Variants in HGS observed in about 807,000 individuals in gnomAD.
The protein encoded by HGS is human growth factor-regulated tyrosine kinase substrate.
A neutral mutation model predicts 109.7 loss-of-function variants in HGS; 63 were observed. That is an observed-to-expected ratio of 0.57 (90% CI 0.47 to 0.71). HGS has a LOEUF of 0.71. Among genes scored for constraint, HGS ranks in the 30% least tolerant of loss-of-function variants. The pLI, the probability that HGS is intolerant of heterozygous loss-of-function variation, is 0.00. For synonymous variants in HGS, 546 were observed against 437.3 expected (o/e 1.25, Z -3.10); for missense variants, 995 against 1,068.3 (o/e 0.93, Z 0.96).
Position 81,686,349 on chromosome 17 carries a change from AACG to A in HGS, c.163_165del (p.Asp55del). 6.2e-7 allele frequency: 1 copy of A among 1,613,708 alleles called. No individual in the cohort carries two copies. The highest frequency in any genetic ancestry group is 8.5e-7 in the Non-Finnish European group (1 of 1,179,978). On this transcript the variant is annotated inframe_deletion, in exon 3 of 22. Transcript: ENST00000329138. ...TGTGAATTCCATCAAGAAGAAAGTC[AACG>A]ACAAGAACCCACACGTCGCCTTGTA... is the stretch of plus-strand genomic sequence containing the variant.
At chr17:81,701,009 G>T in intron 20 of HGS, 36 bp from the exon 21 acceptor site, 1 of 1,590,382 alleles carries the variant, frequency 6.3e-7, no homozygotes, top group Non-Finnish European at 8.6e-7. Context: ...CTGGTCACAG[G>T]GCTACTCTCT....
intron 1 of HGS, chr17:81,684,441 T>C (rs185298728): frequency 2.6e-4 from 70 of 266,536 alleles, no homozygotes; most frequent in Middle Eastern, 1.1e-3. Flanking sequence ...GCCTGAGTCA[T>C]GAAAGTGGGT....
At chr17:81,694,136 C>A (rs1043431499) in intron 11 of HGS, among the ~76,000 whole-genome samples, 171 bp downstream of exon 11, 1 of 152,146 alleles carries the variant, frequency 6.6e-6, no homozygotes, top group Admixed American at 6.5e-5. Flanking sequence ...CCCACGGCTC[C>A]AGGCACCCGT....
At chr17:81,692,800 G>A (rs1367196879) in intron 8 of HGS, 1 of 152,072 alleles carries the variant, frequency 6.6e-6, no homozygotes, top group Non-Finnish European at 1.5e-5. Flanking sequence ...GGCCAACATG[G>A]TGAAATCCCG....
intron 4 of HGS, among the ~76,000 whole-genome samples, chr17:81,688,382 C>T (rs1393316782): frequency 1.3e-5 from 2 of 152,224 alleles, no homozygotes; most frequent in African/African-American, 4.8e-5. Context: ...GTCAGGCCTG[C>T]CGGGTCCTGC....
intron 3 of HGS, 44 bp downstream of exon 3, chr17:81,686,431 C>T: frequency 2.1e-6 from 3 of 1,398,292 alleles, no homozygotes; most frequent in Non-Finnish European, 3.0e-6. Context: ...GGTCCCTACC[C>T]CCTACTAGTC....
chr17:81,687,676 C>G (rs1171399956), intron 4 of HGS, among the ~76,000 whole-genome samples: 1 of 152,204 alleles, frequency 6.6e-6, no homozygotes, highest in Non-Finnish European at 1.5e-5. Context: ...GCTGGGGACA[C>G]CTGCAGGGAC....
chr17:81,691,667 C>T lies in HGS; in HGVS notation c.662+96C>T. On this transcript the variant is annotated intron_variant, in intron 8 of 21. Coordinates refer to ENST00000329138, the MANE Select transcript of HGS (RefSeq NM_004712.5). This position sits in a 1 kb window ranked among gnomAD's most constrained non-coding sequence, Gnocchi z 5.3. ...GCCATGGTGCCTGAGGCCTGCAGAC[C>T]CCAGAGGACCCTCACAGCACAGCAG... 1.4e-6 allele frequency: 2 copies of T among 1,478,102 alleles called. No homozygotes were observed. Among genetic ancestry groups the T allele is most frequent in the Non-Finnish European group, 9.3e-7 (1 of 1,071,152 alleles). 91.6% of individuals were successfully genotyped at this position (1,478,102 alleles called of 1,614,324 possible).
Position 81,701,597 on chromosome 17 carries a change from C to G in HGS, c.2313C>G (p.Ala771=). 1 of 1,567,990 alleles carries G rather than the reference C, an allele frequency of 6.4e-7. No individual in the cohort carries two copies. ...AQGPPAQGSE[A]QLISFD is the part of the protein sequence containing the mutation. ...GGCCGCCGGCACAGGGCAGCGAGGC[C>G]CAGCTCATTTCATTCGACTGACCCA... The change falls in exon 22 of 22, where the codon GCC becomes GCG. Residue 771 remains alanine (A), a synonymous_variant. Transcript: ENST00000329138.
chr17:81,698,379 C>T (rs2037185899), intron 18 of HGS: 2 of 152,374 alleles, frequency 1.3e-5, no homozygotes, highest in Non-Finnish European at 2.9e-5. Context: ...CCCTTCTCGG[C>T]CTTCCAAAGT....
chr17:81,688,619 T>C, intron 4 of HGS, 85 bp from the exon 5 acceptor site: 2 of 1,547,842 alleles, frequency 1.3e-6, no homozygotes, highest in African/African-American at 1.4e-5. Flanking sequence ...GCTCAGAGGC[T>C]GAGGTCTGCC....
rs1380076010 is a variant in HGS, at chr17:81,696,824, C to T, written c.1708C>T (p.Leu570Phe). The T allele has an allele frequency of 6.2e-7, 1 of 1,608,564 alleles. No homozygotes were observed. Among genetic ancestry groups the T allele is most frequent in the Non-Finnish European group, 8.5e-7 (1 of 1,177,304 alleles). Residue 570 changes from leucine (L) to phenylalanine (F), a missense_variant and splice_region_variant, in exon 18 of 22, where the codon CTC becomes TTC. Leu to Phe is a conservative substitution (Grantham distance 22, BLOSUM62 0). Transcript: ENST00000329138. ...TCACCGCTGTCTCTTTTGTCCCCAG[C>T]TCCAGGCCATGCCCGCAGCCGGAGG... ...MPAFPLPYAQ[L>F]QAMPAAGGVL...
Position 81,700,781 on chromosome 17 carries a change from A to T in HGS, c.2103A>T (p.Ser701=). 1 of 1,612,648 alleles carries T rather than the reference A, an allele frequency of 6.2e-7. No individual in the cohort carries two copies. Among genetic ancestry groups the T allele is most frequent in the Non-Finnish European group, 8.5e-7 (1 of 1,179,842 alleles). The change falls in exon 20 of 22, where the codon TCA becomes TCT. Residue 701 remains serine (S), a synonymous_variant. Coordinates refer to ENST00000329138, the MANE Select transcript of HGS (RefSeq NM_004712.5). ...SSTMGYMGSQ[S]VSMGYQPYNM... The stretch of plus-strand genomic sequence containing the variant: ...CCATGGGCTACATGGGGAGCCAGTC[A>T]GTCTCCATGGGCTACCAGCCTTACA...
At chr17:81,685,723 G>A (rs936150630) in intron 2 of HGS, 34 bp downstream of exon 2, 4 of 1,563,726 alleles carry the variant, frequency 2.6e-6, no homozygotes, top group Non-Finnish European at 3.5e-6. Flanking sequence ...TGATGCGGAG[G>A]AGCAGCCGTG....
At chr17:81,685,331 C>T (rs957947200) in intron 1 of HGS, among the ~76,000 whole-genome samples, 1 of 152,224 alleles carries the variant, frequency 6.6e-6, no homozygotes, top group African/African-American at 2.4e-5. Flanking sequence ...CGGCAGTGCC[C>T]TCGCCTCTCT....
intron 5 of HGS, among the ~76,000 whole-genome samples, chr17:81,689,205 G>A (rs2037027968): frequency 6.6e-6 from 1 of 152,214 alleles, no homozygotes; most frequent in South Asian, 2.1e-4. Context: ...GCGTGAGCAG[G>A]CAGGCAGCAC....
intron 6 of HGS, 173 bp downstream of exon 6, chr17:81,690,407 G>T: frequency 1.4e-6 from 1 of 724,512 alleles, no homozygotes; most frequent in South Asian, 1.8e-5. Flanking sequence ...TGCAGGGCGA[G>T]GTGGAGACGT....
Position 81,701,660 on chromosome 17 carries a change from C to A in HGS, c.*42C>A, listed in dbSNP as rs1385309963. The A allele has an allele frequency of 6.6e-7, 1 of 1,517,368 alleles. No homozygotes were observed. Among genetic ancestry groups the A allele is most frequent in the Non-Finnish European group, 8.8e-7 (1 of 1,131,106 alleles). 94.0% of individuals were successfully genotyped at this position (1,517,368 alleles called of 1,614,324 possible). A position where few individuals can be genotyped will look rare whatever the true frequency, so the allele number is the denominator to read the frequency against. On this transcript the variant is annotated 3_prime_UTR_variant, in exon 22 of 22. Transcript: ENST00000329138. ...GTCCGGAGTAACACTACATACAGTTCACCTGAAACGCCTCGTCTCTAACTG... is the reference window on the plus strand; with the variant it reads ...GTCCGGAGTAACACTACATACAGTTAACCTGAAACGCCTCGTCTCTAACTG...
chr17:81,686,523 T>C (rs2036982220), intron 3 of HGS, 136 bp downstream of exon 3: 1 of 658,328 alleles, frequency 1.5e-6, no homozygotes, highest in African/African-American at 1.8e-5. Flanking sequence ...CCACTCAGCC[T>C]TGAGTGCCTG....
Sources: gnomAD v4.1 joint callset for allele counts (sites outside exome capture counted in the v4.1 genomes callset) on GRCh38, gnomAD v4.1.1 for gene constraint, Gnocchi (gnomAD v3.1) non-coding constraint, MANE v1.5 for transcripts, NCBI Gene and HGNC (gene_info 2026-07-23, HGNC 2026-07-21) for gene names.